The following SNTG1 variants were observed in gnomAD, a reference collection of about 807,000 sequenced individuals.
SNTG1 encodes syntrophin gamma 1.
SNTG1 carries 39 observed loss-of-function variants against 74.7 expected under a neutral mutation model. That is an observed-to-expected ratio of 0.52 (90% CI 0.40 to 0.68). The LOEUF (loss-of-function observed/expected upper bound fraction) is 0.68. Ranked by LOEUF, SNTG1 falls within the 30% of genes least tolerant of loss-of-function variation. SNTG1 has a pLI of 0.00. For missense variants in SNTG1, 685 were observed against 609.5 expected (o/e 1.12, Z -1.30); for synonymous variants, 254 against 217.1 (o/e 1.17, Z -1.49).
At chr8:50,743,917 G>A (rs1191513328) in intron 17 of SNTG1, among the ~76,000 whole-genome samples, 1 of 151,962 alleles carries the variant, frequency 6.6e-6, no homozygotes, top group Non-Finnish European at 1.5e-5. Flanking sequence ...TTTAGTCATG[G>A]TGGAAGATGA....
At chr8:50,025,845 G>A (rs773279088) in intron 1 of SNTG1, among the ~76,000 whole-genome samples, 2 of 152,130 alleles carry the variant, frequency 1.3e-5, no homozygotes, top group African/African-American at 2.4e-5. Flanking sequence ...GTGTTGGTAT[G>A]CAGAATGCAT....
chr8:50,072,805 C>A (rs2131014307), intron 1 of SNTG1, among the ~76,000 whole-genome samples: 1 of 152,274 alleles, frequency 6.6e-6, no homozygotes, highest in South Asian at 2.1e-4. Flanking sequence ...AAGTGAATCA[C>A]ACAAATATTT....
intron 1 of SNTG1, among the ~76,000 whole-genome samples, chr8:50,050,136 T>A (rs1419127315): frequency 1.3e-5 from 2 of 150,668 alleles, no homozygotes; most frequent in Non-Finnish European, 3.0e-5. Flanking sequence ...ATACAGGAAA[T>A]CAACAGAATC....
rs919059891 is a variant in SNTG1 at position 50,016,217 on chromosome 8, C to A, written c.-103+103986C>A. ...ATGCAACCACTGAGCTGGTAGTCAC[C>A]AGTTTTCATATAAAATCCACTTTTC... On this transcript the variant is annotated intron_variant, in intron 1 of 18. Coordinates refer to ENST00000642720, the MANE Select transcript of SNTG1 (RefSeq NM_018967.5). 3.3e-5 allele frequency among the ~76,000 whole-genome samples: 5 copies of A among 152,044 alleles called. 1 individual carries two copies. The East Asian group carries it at 9.6e-4, about 29-fold the overall frequency.
intron 2 of SNTG1, among the ~76,000 whole-genome samples, chr8:50,276,252 T>C (rs1005243036): frequency 1.2e-4 from 18 of 152,106 alleles, no homozygotes; most frequent in Admixed American, 1.0e-3. Flanking sequence ...ACCTACAAGC[T>C]CTCAACACTC....
At chr8:50,233,870 A>C (rs2085758080) in intron 2 of SNTG1, among the ~76,000 whole-genome samples, 1 of 151,916 alleles carries the variant, frequency 6.6e-6, no homozygotes, top group Non-Finnish European at 1.5e-5. Context: ...ATGTTAGGAG[A>C]GCTAAAGTAA....
intron 1 of SNTG1, among the ~76,000 whole-genome samples, chr8:50,113,893 C>G (rs1993680): frequency 0.047 from 7,071 of 151,276 alleles, 389 homozygotes; most frequent in South Asian, 0.14. Context: ...CACATGTACC[C>G]TAGAACTTAA....
At chr8:50,658,983 C>T (rs769221689) in intron 15 of SNTG1, among the ~76,000 whole-genome samples, 4 of 136,506 alleles carry the variant, frequency 2.9e-5, no homozygotes, top group African/African-American at 7.5e-5. Flanking sequence ...TGAATTTAAA[C>T]GTTGGTTGTT....
At chr8:50,506,545 A>G (rs901705898) in intron 9 of SNTG1, among the ~76,000 whole-genome samples, 6 of 151,978 alleles carry the variant, frequency 3.9e-5, no homozygotes, top group African/African-American at 1.4e-4. Context: ...TTTTCAGTGT[A>G]AAGTCTTTAA....
At chr8:49,927,252 T>A (rs1807112735) in intron 1 of SNTG1, among the ~76,000 whole-genome samples, 1 of 152,154 alleles carries the variant, frequency 6.6e-6, no homozygotes, top group South Asian at 2.1e-4. Context: ...CACTTGTTGT[T>A]ATTTACTCAA....
chr8:50,097,525 GCCT>G (rs2079971214), intron 1 of SNTG1, among the ~76,000 whole-genome samples: 1 of 151,950 alleles, frequency 6.6e-6, no homozygotes, highest in Non-Finnish European at 1.5e-5. Context: ...AGTGGCGGGC[GCCT>G]GTAGTCCCAG....
At chr8:50,293,662 G>A (rs142203637) in intron 2 of SNTG1, among the ~76,000 whole-genome samples, 26 of 151,908 alleles carry the variant, frequency 1.7e-4, no homozygotes, top group Middle Eastern at 3.4e-3. Flanking sequence ...CACCTGCCTC[G>A]GCCTCCCAAA....
chr8:50,448,114 T>A (rs1587663383), intron 5 of SNTG1, among the ~76,000 whole-genome samples: 2 of 152,072 alleles, frequency 1.3e-5, no homozygotes, highest in South Asian at 2.1e-4. Flanking sequence ...GCAGAACAAG[T>A]GGGAGCCATT....
rs189749774 is a variant in SNTG1, at chr8:50,220,174, A to C, written c.-28+47539A>C. ...ATAAAATTTTATTGATCATGATACC[A>C]CAATCCTCAACATCACATGAAATAT... On this transcript the variant is annotated intron_variant, in intron 2 of 18. Coordinates refer to ENST00000642720, the MANE Select transcript of SNTG1 (RefSeq NM_018967.5). 3.9e-5 allele frequency among the ~76,000 whole-genome samples: 6 copies of C among 152,214 alleles called. No individual in the cohort carries two copies. In the East Asian group the frequency reaches 1.2e-3, roughly 30 times the overall value.
intron 17 of SNTG1, among the ~76,000 whole-genome samples, chr8:50,744,092 GCCC>G (rs1000512095): frequency 7.3e-6 from 1 of 137,538 alleles, no homozygotes; most frequent in South Asian, 2.3e-4. Flanking sequence ...TCAGATATCT[GCCC>G]CCGTGATCCA....
intron 8 of SNTG1, among the ~76,000 whole-genome samples, chr8:50,451,282 A>T (rs1456013933): frequency 1.3e-5 from 2 of 152,220 alleles, no homozygotes; most frequent in Non-Finnish European, 2.9e-5. Context: ...TATTTTAGGC[A>T]TACAGGAGGA....
At chr8:49,935,523 C>CAAAAAA (rs59390567) in intron 1 of SNTG1, among the ~76,000 whole-genome samples, 3 of 75,514 alleles carry the variant, frequency 4.0e-5, no homozygotes, top group Non-Finnish European at 9.0e-5. Context: ...AGATGTAAAC[C>CAAAAAA]AAAAAAAAAA....
At chr8:50,511,866 T>C (rs951299379) in intron 9 of SNTG1, among the ~76,000 whole-genome samples, 2 of 152,216 alleles carry the variant, frequency 1.3e-5, no homozygotes, top group Non-Finnish European at 1.5e-5. Context: ...TGACTCTTTA[T>C]CCAATTTGCC....
chr8:50,210,734 A>G (rs1236533213), intron 2 of SNTG1, among the ~76,000 whole-genome samples: 3 of 152,290 alleles, frequency 2.0e-5, no homozygotes, highest in Non-Finnish European at 4.4e-5. Flanking sequence ...ATTAAAACTT[A>G]AAGGATTTTC....
Sources: allele counts gnomAD v4.1 joint callset (sites outside exome capture counted in the v4.1 genomes callset), GRCh38; gene constraint gnomAD v4.1.1; transcripts MANE v1.5; gene names NCBI Gene and HGNC (gene_info 2026-07-23, HGNC 2026-07-21).